SAMMSON: variants seen among roughly 807,000 people sequenced by gnomAD.
The protein encoded by SAMMSON is long intergenic non-protein coding RNA 1212.
chr3:70,282,522 G>T (rs1702097037), intron 6 of SAMMSON, among the ~76,000 whole-genome samples: 1 of 152,176 alleles, frequency 6.6e-6, no homozygotes, highest in Admixed American at 6.5e-5. Flanking sequence ...TTATCACTCA[G>T]CCTGGTTCAT....
chr3:70,031,179 A>G (rs544709657), intron 3 of SAMMSON, among the ~76,000 whole-genome samples: 69 of 152,346 alleles, frequency 4.5e-4, no homozygotes, highest in African/African-American at 1.5e-3. Context: ...AAAATGCAGT[A>G]TATACATGCA....
At chr3:70,220,869 C>T (rs17006862) in intron 4 of SAMMSON, among the ~76,000 whole-genome samples, 2,747 of 152,182 alleles carry the variant, frequency 0.018, 91 homozygotes, top group African/African-American at 0.061. Flanking sequence ...GTGTGTCTTT[C>T]CCACCATCAG....
chr3:70,320,459 A>G lies in SAMMSON; in HGVS notation n.739+29216A>G, dbSNP rs370688462. Among the ~76,000 whole-genome samples the G allele has an allele frequency of 2.6e-5, 4 of 152,220 alleles. No homozygotes were observed. The East Asian group carries it at 7.7e-4, about 29-fold the overall frequency. The stretch of plus-strand genomic sequence containing the variant: ...CAGCAGAAATGTGGGGTCAAATGCT[A>G]AATTAAAATCAGTTATGGAAAAATA... On this transcript the variant is annotated intron_variant and non_coding_transcript_variant, in intron 7 of 9. Coordinates refer to ENST00000642114, the Ensembl canonical transcript of SAMMSON.
chr3:70,052,741 A>G (rs976954072), intron 3 of SAMMSON, among the ~76,000 whole-genome samples: 10 of 152,108 alleles, frequency 6.6e-5, no homozygotes, highest in African/African-American at 2.4e-4. Context: ...TAGGACGTGT[A>G]GCACCTGTGA....
At chr3:70,336,097 A>G (rs917278257) in intron 7 of SAMMSON, among the ~76,000 whole-genome samples, 1 of 152,052 alleles carries the variant, frequency 6.6e-6, no homozygotes, top group Admixed American at 6.6e-5. Context: ...ATTTTAAAGA[A>G]TCACTGTACA....
intron 3 of SAMMSON, among the ~76,000 whole-genome samples, chr3:70,023,804 T>C (rs2067025794): frequency 6.6e-6 from 1 of 152,230 alleles, no homozygotes; most frequent in Non-Finnish European, 1.5e-5. Context: ...AATAAAACTT[T>C]ATTTACAAAA....
chr3:70,366,176 G>C lies in SAMMSON; in HGVS notation n.913+7852G>C, dbSNP rs1198494711. On this transcript the variant is annotated intron_variant and non_coding_transcript_variant, in intron 9 of 9. Transcript: ENST00000642114. ...CGGCTAATTTTTTGTATTTTTAGTA[G>C]AGACGGGGTTTCACCTTGTTAGCCA... Among the ~76,000 whole-genome samples, 6 of 57,610 alleles carry C rather than the reference G, an allele frequency of 1.0e-4. 1 individual carries two copies. The East Asian group carries it at 2.0e-3, about 20-fold the overall frequency. 37.8% of individuals were successfully genotyped at this position (57,610 alleles called of 152,430 possible).
rs1576129733 is a variant in SAMMSON, at chr3:70,129,882, G to A, written n.507+58317G>A. Among the ~76,000 whole-genome samples, 3 of 152,198 alleles carry A rather than the reference G, an allele frequency of 2.0e-5. No homozygotes were observed. In the South Asian group the frequency reaches 6.2e-4, roughly 32 times the overall value. On this transcript the variant is annotated intron_variant and non_coding_transcript_variant, in intron 4 of 9. Transcript: ENST00000642114. The stretch of plus-strand genomic sequence containing the variant: ...TACTTTAAAACATTATTTATTTAAT[G>A]TTATATATTTAAGCTGTACAACATG...
At chr3:70,065,818 C>G (rs1327622941) in intron 3 of SAMMSON, among the ~76,000 whole-genome samples, 3 of 152,140 alleles carry the variant, frequency 2.0e-5, no homozygotes, top group Non-Finnish European at 4.4e-5. Context: ...TGCAGAAACC[C>G]TGCCCCAGAA....
At chr3:70,075,888 T>TG (rs1247305246) in intron 4 of SAMMSON, among the ~76,000 whole-genome samples, 1 of 151,174 alleles carries the variant, frequency 6.6e-6, no homozygotes, top group East Asian at 1.9e-4. Flanking sequence ...ACCTGTTTTT[T>TG]TTTTTTTTTA....
At chr3:70,318,316 C>T (rs1252221478) in intron 7 of SAMMSON, among the ~76,000 whole-genome samples, 1 of 151,834 alleles carries the variant, frequency 6.6e-6, no homozygotes, top group Non-Finnish European at 1.5e-5. Context: ...TTCCCCAGTC[C>T]CTTTTCTCTG....
In SAMMSON at chr3:70,028,707, T is replaced by C. The variant is rs2067052660; in HGVS notation, n.417+15035T>C. Among the ~76,000 whole-genome samples, 3 of 152,362 alleles carry C rather than the reference T, an allele frequency of 2.0e-5. No homozygotes were observed. In the South Asian group the frequency reaches 6.2e-4, roughly 32 times the overall value. On this transcript the variant is annotated intron_variant and non_coding_transcript_variant, in intron 3 of 9. Coordinates refer to ENST00000642114, the Ensembl canonical transcript of SAMMSON. ...CAGCAAAAACTGTGACAGAATTATT[T>C]CTTAGTCTAGGGGATGAAGCCTCTC...
At chr3:70,321,460 A>G (rs913358322) in intron 7 of SAMMSON, among the ~76,000 whole-genome samples, 1 of 152,152 alleles carries the variant, frequency 6.6e-6, no homozygotes, top group African/African-American at 2.4e-5. Flanking sequence ...TTGTGCTAAT[A>G]TACTACAATT....
At chr3:70,299,794 C>T (rs965250783) in intron 7 of SAMMSON, among the ~76,000 whole-genome samples, 3 of 152,096 alleles carry the variant, frequency 2.0e-5, no homozygotes, top group African/African-American at 7.2e-5. Flanking sequence ...TTTAGGTCCT[C>T]TCTACCTTCC....
intron 6 of SAMMSON, among the ~76,000 whole-genome samples, chr3:70,268,515 A>C: frequency 6.7e-6 from 1 of 150,012 alleles, no homozygotes; most frequent in Non-Finnish European, 1.5e-5. Context: ...AGAATGGTGC[A>C]TTTGTTACAA....
intron 2 of SAMMSON, among the ~76,000 whole-genome samples, chr3:70,410,692 T>C (rs1701211034): frequency 1.3e-5 from 2 of 152,200 alleles, no homozygotes; most frequent in African/African-American, 4.8e-5. Context: ...CGCTTAAATT[T>C]GATTAGGCTA....
chr3:70,270,693 A>C (rs967632185), intron 6 of SAMMSON, among the ~76,000 whole-genome samples: 5 of 152,194 alleles, frequency 3.3e-5, no homozygotes, highest in Non-Finnish European at 5.9e-5. Context: ...ACACCATGGA[A>C]TACTATGCAG....
intron 9 of SAMMSON, among the ~76,000 whole-genome samples, chr3:70,379,569 G>C (rs576427330): frequency 6.6e-6 from 1 of 152,202 alleles, no homozygotes; most frequent in South Asian, 2.1e-4. Flanking sequence ...TCCTCTACTG[G>C]GCTGAAATGA....
At chr3:70,058,092 C>T (rs185327794) in intron 3 of SAMMSON, among the ~76,000 whole-genome samples, 1 of 152,174 alleles carries the variant, frequency 6.6e-6, no homozygotes, top group East Asian at 1.9e-4. Context: ...GCCATCTAAA[C>T]TGTGAATTTA....
Sources: gnomAD v4.1 joint callset for allele counts (sites outside exome capture counted in the v4.1 genomes callset) on GRCh38, gnomAD v4.1.1 for gene constraint, MANE v1.5 for transcripts, NCBI Gene and HGNC (gene_info 2026-07-23, HGNC 2026-07-21) for gene names.